The following SEPTIN11 variants were observed in gnomAD, a reference collection of about 807,000 sequenced individuals.
The protein encoded by SEPTIN11 is septin 11.
SEPTIN11 carries 25 observed loss-of-function variants against 51.4 expected under a neutral mutation model. That is an observed-to-expected ratio of 0.49 (90% CI 0.35 to 0.68). SEPTIN11 has a LOEUF of 0.68. Ranked by LOEUF, SEPTIN11 falls within the 30% of genes least tolerant of loss-of-function variation. SEPTIN11 has a pLI of 0.00. For synonymous variants in SEPTIN11, 174 were observed against 184.1 expected (o/e 0.95, Z 0.44); for missense variants, 381 against 520.8 (o/e 0.73, Z 2.61).
chr4:77,023,659 G>T (rs931380668), intron 7 of SEPTIN11, among the ~76,000 whole-genome samples: 2 of 152,056 alleles, frequency 1.3e-5, no homozygotes, highest in African/African-American at 2.4e-5. Context: ...AAATGAATTT[G>T]ATTTTCCTTT....
intron 7 of SEPTIN11, among the ~76,000 whole-genome samples, chr4:77,028,337 C>T (rs1029016105): frequency 5.3e-5 from 8 of 152,186 alleles, no homozygotes; most frequent in African/African-American, 2.4e-5. Context: ...CCACCTCCAC[C>T]TCCTCAGCCC....
In SEPTIN11 at chr4:77,011,865, A is replaced by G. The variant is rs1006675162; in HGVS notation, c.469A>G (p.Thr157Ala). The G allele has an allele frequency of 6.2e-7, 1 of 1,614,084 alleles. No individual in the cohort carries two copies. Among genetic ancestry groups the G allele is most frequent in the African/African-American group, 1.3e-5 (1 of 75,018 alleles). ...IHACLYFIAP[T>A]GHSLKSLDLV... ...TGCCTGCCTCTACTTTATTGCCCCTACTGGACATTCACTAAAGTCCCTGGA... is the reference window on the plus strand; with the variant it reads ...TGCCTGCCTCTACTTTATTGCCCCTGCTGGACATTCACTAAAGTCCCTGGA... The change falls in exon 4 of 10, where the codon ACT (threonine) becomes GCT (alanine). Residue 157 changes from threonine (T) to alanine (A), a missense_variant. Around this residue, in one of 2 missense-constraint regions of SEPTIN11, gnomAD observed 184 missense variants for 207.7 expected, o/e 0.89. Coordinates refer to ENST00000264893, the MANE Select transcript of SEPTIN11 (RefSeq NM_018243.4).
intron 1 of SEPTIN11, 52 bp downstream of exon 1, chr4:76,949,982 T>A: frequency 7.1e-7 from 1 of 1,399,866 alleles, no homozygotes; most frequent in Non-Finnish European, 9.2e-7. Context: ...TGGTCTCTGC[T>A]CTGGGGCGGG....
At chr4:77,016,379 G>C (rs1399957232) in intron 5 of SEPTIN11, among the ~76,000 whole-genome samples, 2 of 150,178 alleles carry the variant, frequency 1.3e-5, no homozygotes, top group Non-Finnish European at 3.0e-5. Context: ...CGCCCGAGCA[G>C]AGCAGTGTAC....
intron 1 of SEPTIN11, among the ~76,000 whole-genome samples, chr4:76,970,150 A>G (rs1235532113): frequency 6.6e-6 from 1 of 152,070 alleles, no homozygotes; most frequent in African/African-American, 2.4e-5. Flanking sequence ...CATTTCACCT[A>G]AATGCCTTTC....
chr4:76,978,032 G>A (rs1162653119), intron 1 of SEPTIN11, among the ~76,000 whole-genome samples: 3 of 152,112 alleles, frequency 2.0e-5, no homozygotes, highest in Non-Finnish European at 2.9e-5. Context: ...ATTTTTCTCT[G>A]CAACTAATTC....
At position 77,022,686 on chromosome 4, in the gene SEPTIN11, T is replaced by C. The variant is rs372768549; in HGVS notation, c.953+2016T>C. ...GGAGCCTGTGAACTGCCTGCAAAAG[T>C]TAGAATGCATGTGACTGCTTCTTGA... On this transcript the variant is annotated intron_variant, in intron 7 of 9. Transcript: ENST00000264893. Among the ~76,000 whole-genome samples the C allele has an allele frequency of 1.8e-4, 27 of 152,348 alleles. No homozygotes were observed. In the South Asian group the frequency reaches 5.2e-3, roughly 29 times the overall value.
chr4:77,038,345 G>A lies in SEPTIN11; in HGVS notation c.*3833G>A, dbSNP rs1480042773. 5.1e-6 allele frequency: 5 copies of A among 985,622 alleles called. No homozygotes were observed. In the African/African-American group the frequency reaches 7.0e-5, roughly 14 times the overall value. The allele number at this position is 985,622 out of a possible 1,614,324, so 61.1% of individuals were successfully genotyped here. On this transcript the variant is annotated 3_prime_UTR_variant, in exon 10 of 10. Transcript: ENST00000264893. ...TTTGCTGTTTGAAAATAACCAATGT[G>A]TTTTCTAAAACTGTCGTGTAATCTA... is the stretch of plus-strand genomic sequence containing the variant.
intron 2 of SEPTIN11, among the ~76,000 whole-genome samples, chr4:77,005,233 A>G (rs1724397993): frequency 6.6e-6 from 1 of 152,266 alleles, no homozygotes; most frequent in Admixed American, 6.5e-5. Context: ...TCCCTTAAGT[A>G]ATATAGATTT....
At chr4:76,957,247 C>A (rs1395806801) in intron 1 of SEPTIN11, among the ~76,000 whole-genome samples, 1 of 152,182 alleles carries the variant, frequency 6.6e-6, no homozygotes, top group Non-Finnish European at 1.5e-5. Context: ...AATGATTTCC[C>A]TTGGGACCTC....
rs873090 is a variant in SEPTIN11 at position 76,949,863 on chromosome 4, T to G, written c.-41T>G. ...GCACTAGCAGCAGCCGGAGTCGGCG[T>G]AAAGCACCCGGGCGCAGCCGGAGCC... is the stretch of plus-strand genomic sequence containing the variant. On this transcript the variant is annotated 5_prime_UTR_variant, in exon 1 of 10. Transcript: ENST00000264893. 0.6 allele frequency: 903,296 copies of G among 1,512,186 alleles called. 270,914 individuals carry two copies. The highest frequency in any genetic ancestry group is 0.69 in the African/African-American group (47,964 of 69,124). 93.7% of individuals were successfully genotyped at this position (1,512,186 alleles called of 1,614,324 possible).
At chr4:76,999,371 G>A (rs1486500918) in intron 2 of SEPTIN11, among the ~76,000 whole-genome samples, 2 of 152,124 alleles carry the variant, frequency 1.3e-5, no homozygotes, top group East Asian at 1.9e-4. Context: ...ATATTTGGAC[G>A]GCCTCGTAGA....
chr4:77,016,606 A>G (rs1412232590), intron 5 of SEPTIN11, among the ~76,000 whole-genome samples: 1 of 45,342 alleles, frequency 2.2e-5, no homozygotes, highest in Non-Finnish European at 3.9e-5. Context: ...ACACATATAT[A>G]TATATACACA....
At position 77,016,633 on chromosome 4, in the gene SEPTIN11, CATATATATATAT is replaced by C. The variant is rs1234653472; in HGVS notation, c.687+1628_687+1639del. On this transcript the variant is annotated intron_variant, in intron 5 of 9. Transcript: ENST00000264893. ...ATATACACATATATATATATATACA[CATATATATATAT>C]ATATATATATACACATATATATATA... Among the ~76,000 whole-genome samples, 82 of 72,748 alleles carry C rather than the reference CATATATATATAT, an allele frequency of 1.1e-3. 4 individuals are homozygous for C. The highest frequency in any genetic ancestry group is 4.2e-3 in the African/African-American group (80 of 19,082). The allele number at this position is 72,748 out of a possible 152,430, so 47.7% of individuals were successfully genotyped here. A position where few individuals can be genotyped will look rare whatever the true frequency, so the allele number is the denominator to read the frequency against.
At chr4:76,991,340 T>G (rs1262929908) in intron 1 of SEPTIN11, among the ~76,000 whole-genome samples, 1 of 152,214 alleles carries the variant, frequency 6.6e-6, no homozygotes, top group African/African-American at 2.4e-5. Flanking sequence ...AAAGCAAAGC[T>G]GGGATTCAAA....
chr4:77,016,657 C>CATATATATATATATATATATATAT (rs1560736525), intron 5 of SEPTIN11, among the ~76,000 whole-genome samples: 1 of 79,218 alleles, frequency 1.3e-5, no homozygotes, highest in Non-Finnish European at 2.4e-5. Context: ...TATATATATA[C>CATATATATATATATATATATATAT]ACATATATAT....
downstream of SEPTIN11, chr4:77,038,953 C>T: frequency 1.6e-6 from 1 of 624,282 alleles, no homozygotes; most frequent in Non-Finnish European, 2.5e-6. Context: ...TCGAGGAAGT[C>T]ACCCCATTAA....
At chr4:77,020,429 G>T in intron 6 of SEPTIN11, 73 bp from the exon 7 acceptor site, 1 of 1,534,082 alleles carries the variant, frequency 6.5e-7, no homozygotes, top group Non-Finnish European at 8.9e-7. Context: ...ATAACATCTT[G>T]GAAGCATCAC....
At position 77,036,870 on chromosome 4, in the gene SEPTIN11, T is replaced by C. The variant is rs1246755769; in HGVS notation, c.*2358T>C. 17 of 1,418,264 alleles carry C rather than the reference T, an allele frequency of 1.2e-5. No homozygotes were observed. Among genetic ancestry groups the C allele is most frequent in the Admixed American group, 3.2e-5 (1 of 30,832 alleles). The allele number at this position is 1,418,264 out of a possible 1,614,324, so 87.9% of individuals were successfully genotyped here. On this transcript the variant is annotated 3_prime_UTR_variant, in exon 10 of 10. Coordinates refer to ENST00000264893, the MANE Select transcript of SEPTIN11 (RefSeq NM_018243.4). ...CGGTAGTAAGAAACCTTTGAGATCT[T>C]TCTGACTTTTCAAAATTAGAGAAAG... is the stretch of plus-strand genomic sequence containing the variant.
Sources: gnomAD v4.1 joint callset for allele counts (sites outside exome capture counted in the v4.1 genomes callset) on GRCh38, gnomAD v4.1.1 for gene constraint, gnomAD v4.1.1 regional missense constraint, MANE v1.5 for transcripts, NCBI Gene and HGNC (gene_info 2026-07-23, HGNC 2026-07-21) for gene names.